PRKN: variants seen among roughly 807,000 people sequenced by gnomAD.
PRKN encodes parkin RBR E3 ubiquitin protein ligase.
In PRKN, 56 loss-of-function variants were observed where a neutral mutation model predicts 59.5. The ratio of observed to expected loss-of-function variants is 0.94; its 90% CI spans 0.76 to 1.18. The LOEUF (loss-of-function observed/expected upper bound fraction) is 1.18, where lower values mean the gene tolerates loss of function less well. PRKN is among the 50% of genes most tolerant of loss of function. The probability of loss-of-function intolerance (pLI) is 0.00; values close to 1 mark genes in which losing one functional copy is unlikely to be tolerated. For synonymous variants in PRKN, 250 were observed against 222.1 expected (o/e 1.13, Z -1.12); for missense variants, 657 against 596.4 (o/e 1.10, Z -1.06).
intron 5 of PRKN, among the ~76,000 whole-genome samples, chr6:162,035,578 A>G (rs1200135657): frequency 6.6e-6 from 1 of 152,230 alleles, no homozygotes; most frequent in Non-Finnish European, 1.5e-5. Flanking sequence ...TAGATCATGT[A>G]GAAAAATTAA....
At chr6:162,626,342 A>G (rs60407248) in intron 1 of PRKN, among the ~76,000 whole-genome samples, 4,112 of 152,296 alleles carry the variant, frequency 0.027, 192 homozygotes, top group African/African-American at 0.092. Flanking sequence ...AAGACCTCTC[A>G]GGGACAGCAT....
chr6:162,474,289 C>T (rs1791897259), intron 1 of PRKN, among the ~76,000 whole-genome samples: 1 of 152,174 alleles, frequency 6.6e-6, no homozygotes, highest in Non-Finnish European at 1.5e-5. Context: ...TGCAAATACC[C>T]AACTTCTAGA....
chr6:162,187,203 T>A (rs1007937270), intron 4 of PRKN, among the ~76,000 whole-genome samples: 1 of 151,980 alleles, frequency 6.6e-6, no homozygotes, highest in Non-Finnish European at 1.5e-5. Flanking sequence ...TGGATAACAG[T>A]GAAAAACCAG....
chr6:162,251,916 T>C (rs1477738212), intron 3 of PRKN, among the ~76,000 whole-genome samples: 1 of 152,220 alleles, frequency 6.6e-6, no homozygotes, highest in Non-Finnish European at 1.5e-5. Context: ...TTTTTACTAA[T>C]ATAAACAGTG....
intron 3 of PRKN, among the ~76,000 whole-genome samples, chr6:162,237,363 C>T (rs1778782398): frequency 6.6e-6 from 1 of 152,128 alleles, no homozygotes; most frequent in African/African-American, 2.4e-5. Flanking sequence ...GCACCACCAC[C>T]ACCACTTAAC....
At chr6:162,069,342 C>G (rs2128290164) in intron 4 of PRKN, among the ~76,000 whole-genome samples, 1 of 152,302 alleles carries the variant, frequency 6.6e-6, no homozygotes, top group East Asian at 1.9e-4. Flanking sequence ...GAGGCCTCCC[C>G]AGTCATGTGG....
chr6:162,292,737 C>G (rs1178681839), intron 2 of PRKN, among the ~76,000 whole-genome samples: 1 of 152,140 alleles, frequency 6.6e-6, no homozygotes, highest in Non-Finnish European at 1.5e-5. Context: ...TTAGACCCAC[C>G]AGGATCAGTT....
intron 6 of PRKN, among the ~76,000 whole-genome samples, chr6:161,849,358 C>T (rs1429980192): frequency 6.6e-6 from 1 of 152,086 alleles, no homozygotes; most frequent in Non-Finnish European, 1.5e-5. Flanking sequence ...TAAAATGTTT[C>T]CTGCTTATTT....
chr6:162,727,541 G>T, intron 1 of PRKN, 121 bp downstream of exon 1: 1 of 1,122,190 alleles, frequency 8.9e-7, no homozygotes, highest in Non-Finnish European at 1.3e-6. Context: ...GACGGCACGG[G>T]CACTTTGGCC....
chr6:162,215,644 T>C (rs73596212), intron 3 of PRKN, among the ~76,000 whole-genome samples: 1 of 152,202 alleles, frequency 6.6e-6, no homozygotes, highest in African/African-American at 2.4e-5. Flanking sequence ...AGTCTTATTT[T>C]AATAGTATTA....
At chr6:162,147,444 C>T (rs537731760) in intron 4 of PRKN, among the ~76,000 whole-genome samples, 2 of 151,476 alleles carry the variant, frequency 1.3e-5, no homozygotes, top group African/African-American at 2.4e-5. Flanking sequence ...GATGTTGCAA[C>T]CTCAAGGGAA....
chr6:161,899,590 T>C (rs1025228495), intron 6 of PRKN, among the ~76,000 whole-genome samples: 4 of 152,306 alleles, frequency 2.6e-5, no homozygotes, highest in Middle Eastern at 3.4e-3. Flanking sequence ...CATCCTACCT[T>C]TATAAACAAA....
At chr6:161,732,677 T>C (rs557176064) in intron 7 of PRKN, among the ~76,000 whole-genome samples, 1 of 152,312 alleles carries the variant, frequency 6.6e-6, no homozygotes, top group South Asian at 2.1e-4. Context: ...TTAGTTTGCT[T>C]AGGATAATGG....
intron 3 of PRKN, among the ~76,000 whole-genome samples, chr6:162,205,001 T>C (rs1784879254): frequency 6.6e-6 from 1 of 152,092 alleles, no homozygotes; most frequent in Non-Finnish European, 1.5e-5. Context: ...TAGCTGGAAC[T>C]ACAGGCGTGC....
At chr6:162,417,396 T>A (rs1321588968) in intron 2 of PRKN, among the ~76,000 whole-genome samples, 5 of 152,188 alleles carry the variant, frequency 3.3e-5, no homozygotes, top group Non-Finnish European at 7.3e-5. Context: ...GGGATCTGCA[T>A]CCTGCAAAAC....
chr6:162,676,462 A>G (rs78308685), intron 1 of PRKN, among the ~76,000 whole-genome samples: 2,323 of 152,330 alleles, frequency 0.015, 68 homozygotes, highest in African/African-American at 0.053. Context: ...ATAATAAATC[A>G]GACTGCAGCA....
At chr6:161,931,633 A>G (rs1189690106) in intron 6 of PRKN, among the ~76,000 whole-genome samples, 4 of 152,224 alleles carry the variant, frequency 2.6e-5, no homozygotes, top group African/African-American at 4.8e-5. Flanking sequence ...AATTGTCCTG[A>G]GAAAGACAGG....
intron 3 of PRKN, among the ~76,000 whole-genome samples, chr6:162,229,228 G>A (rs1778315435): frequency 6.6e-6 from 1 of 152,038 alleles, no homozygotes; most frequent in African/African-American, 2.4e-5. Flanking sequence ...CTTCTGCCTA[G>A]TCTCCCCCAT....
chr6:161,694,525 A>T (rs930626889), intron 7 of PRKN, among the ~76,000 whole-genome samples: 4 of 151,632 alleles, frequency 2.6e-5, no homozygotes, highest in African/African-American at 9.7e-5. Context: ...TTTTTTTTTT[A>T]ATTTTTAACT....
Sources: gnomAD v4.1 joint callset for allele counts (sites outside exome capture counted in the v4.1 genomes callset) on GRCh38, gnomAD v4.1.1 for gene constraint, MANE v1.5 for transcripts, NCBI Gene and HGNC (gene_info 2026-07-23, HGNC 2026-07-21) for gene names.